SNX14: variants seen among roughly 807,000 people sequenced by gnomAD.
SNX14 encodes sorting nexin 14.
A neutral mutation model predicts 133.8 loss-of-function variants in SNX14; 93 were observed. The ratio of observed to expected loss-of-function variants is 0.70; its 90% CI spans 0.59 to 0.83. SNX14 has a LOEUF of 0.83. SNX14 is among the 40% of genes least tolerant of loss of function. SNX14 has a pLI of 0.00. For synonymous variants in SNX14, 368 were observed against 365.6 expected (o/e 1.01, Z -0.07); for missense variants, 945 against 1,094.9 (o/e 0.86, Z 1.93).
At chr6:85,585,458 A>G (rs1373265963) in intron 1 of SNX14, among the ~76,000 whole-genome samples, 6 of 152,174 alleles carry the variant, frequency 3.9e-5, no homozygotes, top group Non-Finnish European at 8.8e-5. Context: ...ACTTGGGGGG[A>G]AAAACAATAA....
Position 85,514,406 on chromosome 6 carries a change from TA to T in SNX14, c.2392+99del, listed in dbSNP as rs982654557. The T allele has an allele frequency of 6.7e-6, 10 of 1,483,736 alleles. No homozygotes were observed. The Admixed American group carries it at 1.9e-4, about 28-fold the overall frequency. 91.9% of individuals were successfully genotyped at this position (1,483,736 alleles called of 1,614,324 possible). On this transcript the variant is annotated intron_variant, in intron 24 of 28. Coordinates refer to ENST00000314673, the MANE Select transcript of SNX14 (RefSeq NM_153816.6). ...AATTATTATAAAAGGTATCTTCAAT[TA>T]AAAAGACAGTTATGATGGGGCAATA...
chr6:85,548,980 A>T (rs1350085204), intron 8 of SNX14, among the ~76,000 whole-genome samples: 1 of 71,054 alleles, frequency 1.4e-5, no homozygotes, highest in African/African-American at 1.1e-4. Context: ...AATAATTAAA[A>T]AAAAAAAAGA....
chr6:85,579,591 G>A (rs760104085), intron 1 of SNX14, among the ~76,000 whole-genome samples: 2 of 152,138 alleles, frequency 1.3e-5, no homozygotes, highest in Non-Finnish European at 2.9e-5. Context: ...GAAAGCACAC[G>A]GCTTGAGAGA....
At chr6:85,536,976 C>G in intron 16 of SNX14, 52 bp from the exon 17 acceptor site, 2 of 1,514,802 alleles carry the variant, frequency 1.3e-6, no homozygotes, top group Non-Finnish European at 1.8e-6. Context: ...TCACAACAGT[C>G]TAGTTTATTG....
chr6:85,583,678 T>TA (rs1799753608), intron 1 of SNX14, among the ~76,000 whole-genome samples: 4 of 152,102 alleles, frequency 2.6e-5, no homozygotes, highest in Admixed American at 6.5e-5. Context: ...TACCTAGGAA[T>TA]ACAATTTACA....
At chr6:85,538,782 C>A in intron 16 of SNX14, 56 bp downstream of exon 16, 1 of 1,492,368 alleles carries the variant, frequency 6.7e-7, no homozygotes, top group Non-Finnish European at 9.2e-7. Context: ...AGGTTGTTCA[C>A]AATGTACTTT....
intron 1 of SNX14, chr6:85,581,593 T>C (rs1391494133): frequency 1.3e-5 from 2 of 151,948 alleles, no homozygotes; most frequent in Non-Finnish European, 2.9e-5. Flanking sequence ...CTCAAAGAAA[T>C]TCAAGATAAC....
At chr6:85,543,335 A>C in intron 13 of SNX14, 29 bp from the exon 14 acceptor site, 1 of 1,523,352 alleles carries the variant, frequency 6.6e-7, no homozygotes. Flanking sequence ...TGTAGAAATT[A>C]TTTATAAATA....
intron 21 of SNX14, among the ~76,000 whole-genome samples, chr6:85,519,548 T>C (rs1776121906): frequency 6.6e-6 from 1 of 152,156 alleles, no homozygotes; most frequent in Admixed American, 6.5e-5. Context: ...AAGGATCACT[T>C]GAGCCCAGGA....
At chr6:85,556,006 A>G (rs1404251849) in intron 7 of SNX14, among the ~76,000 whole-genome samples, 1 of 152,040 alleles carries the variant, frequency 6.6e-6, no homozygotes, top group Non-Finnish European at 1.5e-5. Flanking sequence ...AAAAAAAAAA[A>G]ACACCAAAAA....
intron 19 of SNX14, among the ~76,000 whole-genome samples, chr6:85,529,659 A>G (rs1028732903): frequency 2.0e-5 from 3 of 152,178 alleles, no homozygotes; most frequent in Admixed American, 6.5e-5. Flanking sequence ...TCTTCCTATA[A>G]TAATCATCCT....
intron 23 of SNX14, among the ~76,000 whole-genome samples, 166 bp from the exon 24 acceptor site, chr6:85,514,795 C>T (rs184274783): frequency 3.8e-4 from 57 of 151,922 alleles, no homozygotes; most frequent in Admixed American, 5.2e-4. Context: ...ATTTATGCCC[C>T]GAATTGCAAT....
intron 20 of SNX14, 147 bp downstream of exon 20, chr6:85,528,115 A>G (rs1779066735): frequency 1.2e-5 from 6 of 498,252 alleles, no homozygotes; most frequent in Non-Finnish European, 2.0e-5. Context: ...AATTCATTCT[A>G]AAATTCACAA....
At position 85,543,078 on chromosome 6, in the gene SNX14, A is replaced by G. The variant is rs1423125620; in HGVS notation, c.1389+104T>C. 14 of 1,163,806 alleles carry G rather than the reference A, an allele frequency of 1.2e-5. No homozygotes were observed. The East Asian group carries it at 3.9e-4, about 33-fold the overall frequency. The allele number at this position is 1,163,806 out of a possible 1,614,324, so 72.1% of individuals were successfully genotyped here. A position where few individuals can be genotyped will look rare whatever the true frequency, so the allele number is the denominator to read the frequency against. ...CAACTGTGCCCAGTAATCTTGTCTT[A>G]TTTTTCTATTTATTTTGTTATTTGA... is the stretch of plus-strand genomic sequence containing the variant. On this transcript the variant is annotated intron_variant, in intron 14 of 28. Coordinates refer to ENST00000314673, the MANE Select transcript of SNX14 (RefSeq NM_153816.6).
chr6:85,540,482 A>T (rs1211504613), intron 15 of SNX14, among the ~76,000 whole-genome samples: 1 of 152,222 alleles, frequency 6.6e-6, no homozygotes, highest in East Asian at 1.9e-4. Context: ...TGGGCAAAGA[A>T]CGCTATTTTA....
intron 23 of SNX14, chr6:85,517,468 GA>G (rs1490818686): frequency 9.3e-6 from 2 of 213,912 alleles, no homozygotes; most frequent in African/African-American, 4.6e-5. Context: ...TCTTATTATT[GA>G]AAGTTGGTGA....
At chr6:85,568,241 G>A (rs1794514564) in intron 4 of SNX14, 1 of 152,192 alleles carries the variant, frequency 6.6e-6, no homozygotes, top group Non-Finnish European at 1.5e-5. Context: ...ATGGAAAGAA[G>A]AAACAGAGCA....
chr6:85,513,177 T>C (rs1562185062), intron 26 of SNX14, among the ~76,000 whole-genome samples: 1 of 152,206 alleles, frequency 6.6e-6, no homozygotes, highest in Non-Finnish European at 1.5e-5. Flanking sequence ...CTTTGATCCC[T>C]TGACATTTCT....
At chr6:85,524,190 A>AAAAGAAAG (rs142252854) in intron 21 of SNX14, among the ~76,000 whole-genome samples, 139 of 151,918 alleles carry the variant, frequency 9.1e-4, no homozygotes, top group African/African-American at 3.0e-3. Flanking sequence ...TCCATCTCAA[A>AAAAGAAAG]AAAGAAAGAA....
Sources: gnomAD v4.1 joint callset for allele counts (sites outside exome capture counted in the v4.1 genomes callset) on GRCh38, gnomAD v4.1.1 for gene constraint, MANE v1.5 for transcripts, NCBI Gene and HGNC (gene_info 2026-07-23, HGNC 2026-07-21) for gene names.